PPCS: variants seen among roughly 807,000 people sequenced by gnomAD.
The protein encoded by PPCS is phosphopantothenate--cysteine ligase.
In PPCS, 17 loss-of-function variants were observed where a neutral mutation model predicts 24.6. The ratio of observed to expected loss-of-function variants is 0.69; its 90% CI spans 0.47 to 1.04. The LOEUF (loss-of-function observed/expected upper bound fraction) is 1.04. Ranked by LOEUF, PPCS falls within the 50% of genes least tolerant of loss-of-function variation. The probability of loss-of-function intolerance (pLI) is 0.00; values close to 1 mark genes in which losing one functional copy is unlikely to be tolerated. For missense variants in PPCS, 360 were observed against 402.8 expected, an observed-to-expected ratio of 0.89 and a Z score of 0.91; for synonymous variants, 190 against 168.3, an observed-to-expected ratio of 1.13 and a Z score of -1.00.
intron 2 of PPCS, among the ~76,000 whole-genome samples, chr1:42,467,129 G>A (rs968421229): frequency 1.3e-5 from 2 of 152,144 alleles, no homozygotes; most frequent in Non-Finnish European, 2.9e-5. Flanking sequence ...GTCAAGGTGC[G>A]GCAGAAGACA....
chr1:42,458,369 G>A (rs1365512971), intron 2 of PPCS, among the ~76,000 whole-genome samples: 2 of 152,170 alleles, frequency 1.3e-5, no homozygotes, highest in African/African-American at 4.8e-5. Flanking sequence ...ACCTTCAGGA[G>A]TTCTTAGTCA....
intron 2 of PPCS, chr1:42,467,706 T>C (rs935417627): frequency 3.9e-5 from 6 of 152,148 alleles, no homozygotes; most frequent in Non-Finnish European, 5.9e-5. Context: ...GCTTAAAGAG[T>C]AGGCCCTCAG....
Position 42,460,250 on chromosome 1 carries a change from T to G in PPCS, c.*324T>G. On this transcript the variant is annotated 3_prime_UTR_variant, in exon 3 of 3. Coordinates refer to ENST00000372561, the MANE Select transcript of PPCS (RefSeq NM_024664.4). ...AAAAGGATTATGGATGCATGAATGG[T>G]CATGCTTTGGAGATCAAATATTGGT... 1 of 1,035,034 alleles carries G rather than the reference T, an allele frequency of 9.7e-7. No homozygotes were observed. Among genetic ancestry groups the G allele is most frequent in the Non-Finnish European group, 1.2e-6 (1 of 860,136 alleles). The allele number at this position is 1,035,034 out of a possible 1,614,324, so 64.1% of individuals were successfully genotyped here.
intron 2 of PPCS, among the ~76,000 whole-genome samples, chr1:42,472,438 GT>G (rs1244864880): frequency 6.6e-6 from 1 of 152,124 alleles, no homozygotes; most frequent in Non-Finnish European, 1.5e-5. Flanking sequence ...TTAATGAGAA[GT>G]CAACATAAAT....
At chr1:42,466,160 C>T (rs1485949798), downstream of PPCS, among the ~76,000 whole-genome samples, 1 of 152,164 alleles carries the variant, frequency 6.6e-6, no homozygotes, top group African/African-American at 2.4e-5. Context: ...AGTGAAAAGT[C>T]ACCTGACAGC....
chr1:42,460,220 A>G lies in PPCS; in HGVS notation c.*294A>G, dbSNP rs896799668. ...CCTGAATGTCAGCCATCTTTATACT[A>G]TAGAAAAAGGATTATGGATGCATGA... On this transcript the variant is annotated 3_prime_UTR_variant, in exon 3 of 3. Transcript: ENST00000372561. 20 of 1,087,994 alleles carry G rather than the reference A, an allele frequency of 1.8e-5. No homozygotes were observed. The highest frequency in any genetic ancestry group is 2.2e-5 in the Non-Finnish European group (20 of 894,590). The allele number at this position is 1,087,994 out of a possible 1,614,324, so 67.4% of individuals were successfully genotyped here.
intron 2 of PPCS, among the ~76,000 whole-genome samples, chr1:42,466,475 T>G (rs920094986): frequency 2.6e-5 from 4 of 152,196 alleles, no homozygotes; most frequent in Non-Finnish European, 5.9e-5. Flanking sequence ...TTCCAGAGAT[T>G]GGATTTTTAA....
downstream of PPCS, among the ~76,000 whole-genome samples, chr1:42,465,598 C>A (rs986683176): frequency 2.0e-5 from 3 of 152,144 alleles, no homozygotes; most frequent in Non-Finnish European, 4.4e-5. Context: ...CTCCTGACCC[C>A]AGGTGATCCG....
chr1:42,473,209 G>C, exon 3 of PPCS: 2 of 1,231,362 alleles, frequency 1.6e-6, no homozygotes, highest in African/African-American at 1.6e-5. Context: ...ACTCTGTTTG[G>C]TGCTTATTCC....
chr1:42,458,474 T>G (rs1643303885), intron 2 of PPCS, among the ~76,000 whole-genome samples: 1 of 152,204 alleles, frequency 6.6e-6, no homozygotes, highest in Non-Finnish European at 1.5e-5. Context: ...GGTCCTACAC[T>G]GCTGTAGGAC....
downstream of PPCS, among the ~76,000 whole-genome samples, chr1:42,465,598 C>T (rs986683176): frequency 2.6e-5 from 4 of 152,144 alleles, no homozygotes; most frequent in Admixed American, 1.3e-4. Flanking sequence ...CTCCTGACCC[C>T]AGGTGATCCG....
upstream of PPCS, chr1:42,456,467 C>G (rs1482283968): frequency 2.3e-6 from 3 of 1,285,666 alleles, no homozygotes; most frequent in African/African-American, 4.6e-5. Flanking sequence ...GGTAGTGAAC[C>G]GCCCACTCAG....
At position 42,456,725 on chromosome 1, in the gene PPCS, G is replaced by A; in HGVS notation, c.160G>A (p.Val54Met). 6.2e-7 allele frequency: 1 copy of A among 1,609,694 alleles called. No individual in the cohort carries two copies. Among genetic ancestry groups the A allele is most frequent in the Non-Finnish European group, 8.5e-7 (1 of 1,179,260 alleles). ...GTKVPLEARPVRFLDNFSSGR... is the reference protein window; with the variant it reads ...GTKVPLEARPMRFLDNFSSGR... ...CAAGGTCCCACTGGAAGCGCGGCCG[G>A]TGCGCTTCCTGGACAACTTCAGCAG... Residue 54 changes from valine to methionine, a missense_variant, in exon 1 of 3, where the codon GTG becomes ATG. Val to Met is a conservative substitution (Grantham distance 21, BLOSUM62 1). Transcript: ENST00000372561.
chr1:42,466,220 T>G (rs903563942), downstream of PPCS, among the ~76,000 whole-genome samples: 2 of 152,142 alleles, frequency 1.3e-5, no homozygotes, highest in African/African-American at 4.8e-5. Context: ...CTAGAGTCAC[T>G]CAAAGACTTT....
chr1:42,456,883 GCCTTCGGGCCCAGCC>G lies in PPCS; in HGVS notation c.320_334del (p.Pro107_Ala111del), dbSNP rs753011525. 5.1e-5 allele frequency: 82 copies of G among 1,612,910 alleles called. No individual in the cohort carries two copies. The highest frequency in any genetic ancestry group is 6.2e-5 in the Non-Finnish European group (73 of 1,180,056). ...CCCAGACTTGGCTGTCCGCTCTGCG[GCCTTCGGGCCCAGCC>G]CTTTCGGGCTTGCTGAGCCTGGAGG... On this transcript the variant is annotated inframe_deletion, in exon 1 of 3. Transcript: ENST00000372561.
At chr1:42,472,334 C>G (rs770474961) in intron 2 of PPCS, among the ~76,000 whole-genome samples, 9 of 152,142 alleles carry the variant, frequency 5.9e-5, no homozygotes, top group Non-Finnish European at 1.0e-4. Context: ...CATATACTGT[C>G]ATACTGCAAA....
intron 2 of PPCS, chr1:42,457,589 A>G: frequency 3.8e-6 from 2 of 532,486 alleles, no homozygotes; most frequent in Non-Finnish European, 6.7e-6. Flanking sequence ...GTGCAGTCAG[A>G]TCATGGGGCG....
In PPCS at chr1:42,459,964, C is replaced by A; in HGVS notation, c.*38C>A. ...TTATAGGATCAAAAATTGTTCAGGGCTCTTAGAGATGGTGAAAACTACAAA... is the reference window on the plus strand; with the variant it reads ...TTATAGGATCAAAAATTGTTCAGGGATCTTAGAGATGGTGAAAACTACAAA... On this transcript the variant is annotated 3_prime_UTR_variant, in exon 3 of 3. Transcript: ENST00000372561. The A allele has an allele frequency of 1.3e-6, 2 of 1,539,966 alleles. No individual in the cohort carries two copies. The highest frequency in any genetic ancestry group is 2.1e-5 in the Admixed American group (1 of 46,620).
intron 2 of PPCS, among the ~76,000 whole-genome samples, chr1:42,471,002 A>G (rs868089876): frequency 7.2e-5 from 11 of 152,232 alleles, no homozygotes; most frequent in African/African-American, 2.7e-4. Context: ...GAAGAAGCAT[A>G]GAAGGTGTTA....
Sources: gnomAD v4.1 joint callset for allele counts (sites outside exome capture counted in the v4.1 genomes callset) on GRCh38, gnomAD v4.1.1 for gene constraint, MANE v1.5 for transcripts, NCBI Gene and HGNC (gene_info 2026-07-23, HGNC 2026-07-21) for gene names.